STXBP5L: variants seen among roughly 807,000 people sequenced by gnomAD.
STXBP5L encodes the protein syntaxin binding protein 5L, also known as syntaxin-binding protein 5-like.
STXBP5L carries 65 observed loss-of-function variants against 144.5 expected under a neutral mutation model. The ratio of observed to expected loss-of-function variants is 0.45; its 90% CI spans 0.37 to 0.55. The LOEUF (loss-of-function observed/expected upper bound fraction) is 0.55, where lower values mean the gene tolerates loss of function less well. Ranked by LOEUF, STXBP5L falls within the 20% of genes least tolerant of loss-of-function variation. The pLI, the probability that STXBP5L is intolerant of heterozygous loss-of-function variation, is 0.00. For missense variants in STXBP5L, 1,298 were observed against 1,405.5 expected, an observed-to-expected ratio of 0.92 and a Z score of 1.22; for synonymous variants, 505 against 469.6, an observed-to-expected ratio of 1.08 and a Z score of -0.97.
At chr3:121,268,236 G>A (rs1341394181) in intron 18 of STXBP5L, among the ~76,000 whole-genome samples, 1 of 152,140 alleles carries the variant, frequency 6.6e-6, no homozygotes, top group East Asian at 1.9e-4. Context: ...CCATGAAAAT[G>A]TATGAGTTCA....
At chr3:121,353,272 T>G (rs879109828) in intron 20 of STXBP5L, among the ~76,000 whole-genome samples, 1 of 152,230 alleles carries the variant, frequency 6.6e-6, no homozygotes, top group Non-Finnish European at 1.5e-5. Context: ...AGCTCCTGTT[T>G]GTACCTCTGG....
At chr3:120,978,400 T>G (rs998639635) in intron 3 of STXBP5L, among the ~76,000 whole-genome samples, 1 of 152,244 alleles carries the variant, frequency 6.6e-6, no homozygotes, top group Non-Finnish European at 1.5e-5. Context: ...CTCCATCAGC[T>G]CCTTTAAGCA....
intron 12 of STXBP5L, among the ~76,000 whole-genome samples, chr3:121,238,171 G>C (rs925042638): frequency 1.3e-5 from 2 of 152,104 alleles, no homozygotes; most frequent in Non-Finnish European, 2.9e-5. Context: ...AATACCTGAA[G>C]CTAGTAATTT....
chr3:121,232,341 GA>G (rs1200833588), intron 11 of STXBP5L, among the ~76,000 whole-genome samples: 1 of 152,078 alleles, frequency 6.6e-6, no homozygotes, highest in Non-Finnish European at 1.5e-5. Flanking sequence ...AGTGGAAGTT[GA>G]TAAGAAAGGA....
intron 2 of STXBP5L, among the ~76,000 whole-genome samples, chr3:120,945,320 TAAATA>T (rs1410244575): frequency 6.6e-6 from 1 of 151,820 alleles, no homozygotes; most frequent in Non-Finnish European, 1.5e-5. Flanking sequence ...GAATAATTTT[TAAATA>T]AAATAAATGT....
intron 19 of STXBP5L, chr3:121,282,347 A>G (rs1324100285): frequency 2.5e-6 from 4 of 1,610,064 alleles, no homozygotes; most frequent in Non-Finnish European, 3.4e-6. Context: ...AGTAAGTTAT[A>G]TAAAGGTTAG....
At chr3:120,958,954 G>T (rs1176507187) in intron 3 of STXBP5L, among the ~76,000 whole-genome samples, 1 of 152,172 alleles carries the variant, frequency 6.6e-6, no homozygotes, top group Non-Finnish European at 1.5e-5. Context: ...AGGAAAAGAG[G>T]AATTCAAATT....
At chr3:121,202,566 A>AT (rs1378795081) in intron 9 of STXBP5L, among the ~76,000 whole-genome samples, 2 of 151,938 alleles carry the variant, frequency 1.3e-5, no homozygotes, top group African/African-American at 2.4e-5. Flanking sequence ...TTTTTTTAGT[A>AT]TTTTTTGTAA....
chr3:121,381,270 T>C, intron 21 of STXBP5L, 23 bp from the exon 22 acceptor site: 4 of 89,184 alleles, frequency 4.5e-5, no homozygotes, highest in Non-Finnish European at 5.8e-5. Context: ...ATTTGTGTGG[T>C]TTTTTTTTAT....
intron 3 of STXBP5L, among the ~76,000 whole-genome samples, chr3:121,031,148 A>G (rs934398705): frequency 6.6e-6 from 1 of 152,166 alleles, no homozygotes; most frequent in Non-Finnish European, 1.5e-5. Flanking sequence ...TTAAAACCCC[A>G]TAAGGAATTT....
At chr3:121,141,949 T>C (rs1417183387) in intron 7 of STXBP5L, among the ~76,000 whole-genome samples, 1 of 152,072 alleles carries the variant, frequency 6.6e-6, no homozygotes, top group Non-Finnish European at 1.5e-5. Context: ...AATCGAAAGA[T>C]ACAAAGTATC....
intron 4 of STXBP5L, 93 bp from the exon 5 acceptor site, chr3:121,045,342 G>C (rs1576761852): frequency 1.8e-6 from 2 of 1,093,056 alleles, no homozygotes; most frequent in Non-Finnish European, 2.6e-6. Context: ...TAACTCTTCA[G>C]GTAGTAAACA....
chr3:121,184,804 G>A (rs1235696927), intron 9 of STXBP5L, among the ~76,000 whole-genome samples: 2 of 152,114 alleles, frequency 1.3e-5, no homozygotes, highest in East Asian at 3.9e-4. Context: ...AATGTTAAGG[G>A]CAGCCAGAGA....
chr3:121,354,054 T>G (rs1380042874), intron 20 of STXBP5L, among the ~76,000 whole-genome samples: 1 of 152,220 alleles, frequency 6.6e-6, no homozygotes, highest in Non-Finnish European at 1.5e-5. Flanking sequence ...AGACAGTTTG[T>G]TGTGATTTCT....
intron 5 of STXBP5L, among the ~76,000 whole-genome samples, chr3:121,051,719 C>G (rs1310309034): frequency 6.6e-6 from 1 of 151,782 alleles, no homozygotes; most frequent in Non-Finnish European, 1.5e-5. Context: ...TAGCAGAAGG[C>G]AAGAAATAAC....
intron 3 of STXBP5L, among the ~76,000 whole-genome samples, chr3:120,971,491 A>G: frequency 6.6e-6 from 1 of 151,912 alleles, no homozygotes; most frequent in South Asian, 2.1e-4. Context: ...GTTAGTGAGA[A>G]CATGTGGTTT....
intron 20 of STXBP5L, among the ~76,000 whole-genome samples, chr3:121,352,829 AG>A (rs1472080110): frequency 7.9e-5 from 12 of 152,206 alleles, no homozygotes; most frequent in Non-Finnish European, 1.8e-4. Flanking sequence ...TGTCATAAGT[AG>A]CTCTTATTAT....
At chr3:121,200,538 T>C (rs1191291) in intron 9 of STXBP5L, among the ~76,000 whole-genome samples, 74,227 of 151,862 alleles carry the variant, frequency 0.49, 18,586 homozygotes, top group East Asian at 0.73. Flanking sequence ...ATTTGTTTGC[T>C]CTTTCTTCTC....
intron 11 of STXBP5L, among the ~76,000 whole-genome samples, chr3:121,229,478 A>G (rs567982276): frequency 4.6e-4 from 70 of 152,302 alleles, no homozygotes; most frequent in Admixed American, 7.9e-4. Flanking sequence ...TATTAAAAAC[A>G]TAGGAAACAC....
Sources: gnomAD v4.1 joint callset for allele counts (sites outside exome capture counted in the v4.1 genomes callset) on GRCh38, gnomAD v4.1.1 for gene constraint, MANE v1.5 for transcripts, NCBI Gene and HGNC (gene_info 2026-07-23, HGNC 2026-07-21) for gene names.